Variants in TRAPPC8 observed in about 807,000 individuals in gnomAD.
The protein encoded by TRAPPC8 is general sporulation gene 1 homolog.
Under a neutral mutation model 174.3 loss-of-function variants are expected in TRAPPC8, and 54 were observed. The observed-to-expected ratio is 0.31, with a 90% confidence interval of 0.25 to 0.39. The LOEUF is 0.39. Ranked by LOEUF, TRAPPC8 falls within the 10% of genes least tolerant of loss-of-function variation. TRAPPC8 has a pLI of 1.00. For synonymous variants in TRAPPC8, 630 were observed against 579.9 expected (o/e 1.09, Z -1.24); for missense variants, 1,531 against 1,699.1 (o/e 0.90, Z 1.74).
chr18:31,906,251 G>C (rs937796910), intron 9 of TRAPPC8, among the ~76,000 whole-genome samples: 1 of 139,522 alleles, frequency 7.2e-6, no homozygotes, highest in African/African-American at 2.7e-5. Context: ...TTAAGCACAA[G>C]AATCTTGAAC....
intron 2 of TRAPPC8, among the ~76,000 whole-genome samples, chr18:31,923,332 A>G (rs1392511483): frequency 1.3e-5 from 2 of 152,198 alleles, no homozygotes; most frequent in Non-Finnish European, 2.9e-5. Context: ...AAAAATCTAG[A>G]AAACTGAAAC....
At chr18:31,849,418 C>CAA in intron 25 of TRAPPC8, 148 bp downstream of exon 25, 2 of 650,906 alleles carry the variant, frequency 3.1e-6, no homozygotes, top group Non-Finnish European at 4.4e-6. Flanking sequence ...TTTTTTAGGC[C>CAA]AAAAAAAAAT....
intron 22 of TRAPPC8, among the ~76,000 whole-genome samples, 163 bp downstream of exon 22, chr18:31,853,686 G>C (rs2033837852): frequency 6.6e-6 from 1 of 152,082 alleles, no homozygotes; most frequent in Non-Finnish European, 1.5e-5. Context: ...GGAAAGACTG[G>C]ATCAAGATAG....
chr18:31,902,834 T>C (rs965588351), intron 9 of TRAPPC8, among the ~76,000 whole-genome samples: 1 of 151,876 alleles, frequency 6.6e-6, no homozygotes, highest in Non-Finnish European at 1.5e-5. Flanking sequence ...CGGATCACGA[T>C]GTCAGGATAT....
chr18:31,925,555 A>G (rs1455855738), intron 2 of TRAPPC8, among the ~76,000 whole-genome samples: 1 of 152,222 alleles, frequency 6.6e-6, no homozygotes, highest in Non-Finnish European at 1.5e-5. Flanking sequence ...GTAGTTTCAG[A>G]AAGAACAGAG....
Position 31,846,790 on chromosome 18 carries a change from G to A in TRAPPC8, c.3763C>T (p.Leu1255Phe), listed in dbSNP as rs2145017718. 1 of 1,612,450 alleles carries A rather than the reference G, an allele frequency of 6.2e-7. No homozygotes were observed. Among genetic ancestry groups the A allele is most frequent in the East Asian group, 2.2e-5 (1 of 44,878 alleles). The change falls in exon 26 of 29, where the codon CTT (leucine) becomes TTT (phenylalanine). Residue 1255 changes from leucine (L) to phenylalanine (F), a missense_variant. Physicochemically the swap from Leu to Phe is conservative, Grantham distance 22. Coordinates refer to ENST00000283351, the MANE Select transcript of TRAPPC8 (RefSeq NM_014939.5). ...ACATGATGTTGACCTTCCAAAATAA[G>A]CTGTTTACTGTCTTCCACAACGTAT... ...KAYVVEDSKQ[L>F]ILEGQHHVIL...
intron 25 of TRAPPC8, among the ~76,000 whole-genome samples, chr18:31,848,573 T>C (rs2033535017): frequency 6.6e-6 from 1 of 152,188 alleles, no homozygotes; most frequent in Non-Finnish European, 1.5e-5. Flanking sequence ...GTAGATTTCA[T>C]TTGAAACATG....
intron 20 of TRAPPC8, among the ~76,000 whole-genome samples, chr18:31,856,241 G>A (rs2034003688): frequency 6.6e-6 from 1 of 151,984 alleles, no homozygotes; most frequent in African/African-American, 2.4e-5. Context: ...GAGTAGCTGG[G>A]ATTACAAGCA....
chr18:31,921,810 G>A (rs1410590085), intron 2 of TRAPPC8, among the ~76,000 whole-genome samples: 2 of 152,036 alleles, frequency 1.3e-5, no homozygotes, highest in African/African-American at 2.4e-5. Flanking sequence ...CTACTCTTAG[G>A]ATGAGGTTAT....
intron 26 of TRAPPC8, among the ~76,000 whole-genome samples, chr18:31,842,602 T>C (rs1175387505): frequency 6.6e-6 from 1 of 152,246 alleles, no homozygotes; most frequent in Non-Finnish European, 1.5e-5. Context: ...TATAACTGAC[T>C]GACTCCCCTA....
chr18:31,891,405 T>C (rs1469929367), intron 11 of TRAPPC8, among the ~76,000 whole-genome samples: 1 of 152,206 alleles, frequency 6.6e-6, no homozygotes, highest in Non-Finnish European at 1.5e-5. Flanking sequence ...CCAAATCGAC[T>C]GCATTTCATT....
At chr18:31,910,637 G>A (rs557051046) in intron 5 of TRAPPC8, among the ~76,000 whole-genome samples, 34 of 152,274 alleles carry the variant, frequency 2.2e-4, no homozygotes, top group African/African-American at 7.9e-4. Context: ...CATGCAATAG[G>A]TCACTTAATA....
At chr18:31,930,514 A>G (rs2037804349) in intron 2 of TRAPPC8, among the ~76,000 whole-genome samples, 1 of 152,230 alleles carries the variant, frequency 6.6e-6, no homozygotes. Flanking sequence ...TAGACTGCTG[A>G]AATATGTTAA....
chr18:31,839,518 A>T (rs1016064804), intron 26 of TRAPPC8, 61 bp from the exon 27 acceptor site: 2 of 1,457,356 alleles, frequency 1.4e-6, no homozygotes, highest in Non-Finnish European at 1.8e-6. Context: ...AAAAAAAAAA[A>T]AGCATAGTGT....
intron 11 of TRAPPC8, 53 bp from the exon 12 acceptor site, chr18:31,890,919 T>C (rs1038447322): frequency 1.3e-5 from 20 of 1,520,842 alleles, no homozygotes; most frequent in South Asian, 2.5e-5. Context: ...TAAAAGTAAA[T>C]AGATAACTAG....
chr18:31,904,952 C>T (rs1036466587), intron 9 of TRAPPC8, among the ~76,000 whole-genome samples: 2 of 151,834 alleles, frequency 1.3e-5, no homozygotes, highest in African/African-American at 4.8e-5. Flanking sequence ...ATCACTTGAA[C>T]CCAGGAGGTG....
At chr18:31,844,707 C>T (rs1370229611) in intron 26 of TRAPPC8, 3 of 145,518 alleles carry the variant, frequency 2.1e-5, no homozygotes, top group African/African-American at 7.7e-5. Flanking sequence ...CAGAGTGAGA[C>T]TCTGTCTCAA....
At chr18:31,874,801 G>T in intron 12 of TRAPPC8, 97 bp from the exon 13 acceptor site, 1 of 990,644 alleles carries the variant, frequency 1.0e-6, no homozygotes, top group Non-Finnish European at 1.5e-6. Flanking sequence ...TTAAGTAACT[G>T]GTTCTTCCTC....
At position 31,840,225 on chromosome 18, in the gene TRAPPC8, T is replaced by TAC. The variant is rs530537661; in HGVS notation, c.3838-770_3838-769dup. ...TATACAAATTAGCCAGGCGTGGTGG[T>TAC]ACACACCTGTAATCCTAGCTACTCA... is the stretch of plus-strand genomic sequence containing the variant. On this transcript the variant is annotated intron_variant, in intron 26 of 28. Coordinates refer to ENST00000283351, the MANE Select transcript of TRAPPC8 (RefSeq NM_014939.5). Among the ~76,000 whole-genome samples, 399 of 152,060 alleles carry TAC rather than the reference T, an allele frequency of 2.6e-3. 2 individuals are homozygous for TAC. Among genetic ancestry groups the TAC allele is most frequent in the African/African-American group, 8.7e-3 (363 of 41,490 alleles).
Sources: allele counts gnomAD v4.1 joint callset (sites outside exome capture counted in the v4.1 genomes callset), GRCh38; gene constraint gnomAD v4.1.1; transcripts MANE v1.5; gene names NCBI Gene and HGNC (gene_info 2026-07-23, HGNC 2026-07-21).